The following DNMT1 variants were observed in gnomAD, a reference collection of about 807,000 sequenced individuals.
The protein encoded by DNMT1 is DNA (cytosine-5)-methyltransferase 1.
Under a neutral mutation model 205.3 loss-of-function variants are expected in DNMT1, and 24 were observed. The observed-to-expected ratio is 0.12, with a 90% CI of 0.08 to 0.16. DNMT1 has a LOEUF of 0.16. DNMT1 is among the 10% of genes least tolerant of loss of function. The pLI is 1.00. For synonymous variants in DNMT1, 817 were observed against 839.8 expected (o/e 0.97, Z 0.47); for missense variants, 1,293 against 2,177.7 (o/e 0.59, Z 8.09).
In DNMT1 at chr19:10,137,594, G is replaced by C. The variant is rs10854076; in HGVS notation, c.4293+238C>G. ...GCGGGGAGAGGCAGCAAGGGGGAAG[G>C]CAGTGGTGGGTGGGCAGTGGCTTGA... On this transcript the variant is annotated intron_variant, in intron 36 of 40. Coordinates refer to ENST00000359526, the MANE Select transcript of DNMT1 (RefSeq NM_001130823.3). The surrounding 1 kb of genome is among the most constrained non-coding windows in gnomAD (Gnocchi z 6.4). 71,719 of 663,284 alleles carry C rather than the reference G, an allele frequency of 0.11. 6,208 individuals are homozygous for C. The highest frequency in any genetic ancestry group is 0.36 in the East Asian group (13,115 of 36,672). 41.1% of individuals were successfully genotyped at this position (663,284 alleles called of 1,614,324 possible).
intron 5 of DNMT1, 49 bp downstream of exon 5, chr19:10,180,138 A>AC (rs2039016535): frequency 1.6e-6 from 1 of 626,440 alleles, no homozygotes; most frequent in Non-Finnish European, 2.8e-6. Context: ...ACATGGTAAG[A>AC]CCCCATCTCT....
chr19:10,137,551 G>T lies in DNMT1; in HGVS notation c.4294-271C>A. 1.6e-6 allele frequency: 1 copy of T among 639,592 alleles called. No homozygotes were observed. 39.6% of individuals were successfully genotyped at this position (639,592 alleles called of 1,614,324 possible). ...AGGGGATGGTGAAAGGGCTGGTCTTGGCATCCTGGGAAAACATGCGGGGAG... is the reference window on the plus strand; with the variant it reads ...AGGGGATGGTGAAAGGGCTGGTCTTTGCATCCTGGGAAAACATGCGGGGAG... On this transcript the variant is annotated intron_variant, in intron 36 of 40. Coordinates refer to ENST00000359526, the MANE Select transcript of DNMT1 (RefSeq NM_001130823.3). This position sits in a 1 kb window ranked among gnomAD's most constrained non-coding sequence, Gnocchi z 6.4.
At chr19:10,148,347 C>G (rs561403163) in intron 27 of DNMT1, among the ~76,000 whole-genome samples, 3 of 148,094 alleles carry the variant, frequency 2.0e-5, no homozygotes, top group African/African-American at 7.4e-5. Context: ...ATACAAAAAA[C>G]TAGCCGGGTG....
chr19:10,176,960 T>C (rs2038949215), intron 6 of DNMT1, among the ~76,000 whole-genome samples: 2 of 152,112 alleles, frequency 1.3e-5, no homozygotes, highest in Non-Finnish European at 2.9e-5. Flanking sequence ...CTAAACTATA[T>C]ATGGACAAAG....
Position 10,140,976 on chromosome 19 carries a change from C to T in DNMT1, c.3395-67G>A. The T allele has an allele frequency of 1.2e-6, 2 of 1,613,738 alleles. No individual in the cohort carries two copies. The highest frequency in any genetic ancestry group is 1.7e-6 in the Non-Finnish European group (2 of 1,180,022). Reference sequence around the variant, plus strand: ...CCAAGTCCACCTTGCTCTCAAGCGCCTTGTTAACTCAGGCGGCCTCGCTGT... The same window carrying T: ...CCAAGTCCACCTTGCTCTCAAGCGCTTTGTTAACTCAGGCGGCCTCGCTGT... On this transcript the variant is annotated intron_variant, in intron 31 of 40. Coordinates refer to ENST00000359526, the MANE Select transcript of DNMT1 (RefSeq NM_001130823.3). The surrounding 1 kb of genome is among the most constrained non-coding windows in gnomAD (Gnocchi z 8.4).
chr19:10,134,110 T>C (rs1232794260), intron 40 of DNMT1, 107 bp downstream of exon 40: 1 of 1,193,068 alleles, frequency 8.4e-7, no homozygotes, highest in African/African-American at 1.5e-5. Context: ...CGTGGGTAGG[T>C]GACCCGCCTG....
At chr19:10,182,708 T>G (rs1379897159) in intron 1 of DNMT1, among the ~76,000 whole-genome samples, 1 of 151,516 alleles carries the variant, frequency 6.6e-6, no homozygotes, top group Non-Finnish European at 1.5e-5. Context: ...CTCGCTCTGT[T>G]GCCCAGGCTG....
intron 1 of DNMT1, among the ~76,000 whole-genome samples, chr19:10,182,983 G>A (rs575710204): frequency 6.2e-5 from 9 of 145,452 alleles, no homozygotes; most frequent in East Asian, 6.1e-4. Context: ...ATATATACAC[G>A]TATATATATA....
chr19:10,161,724 C>T (rs2038574413), intron 13 of DNMT1, among the ~76,000 whole-genome samples: 1 of 152,180 alleles, frequency 6.6e-6, no homozygotes, highest in African/African-American at 2.4e-5. Flanking sequence ...CTGCAAAATT[C>T]ATATGTTAAG....
At position 10,180,388 on chromosome 19, in the gene DNMT1, C is replaced by T. The variant is rs775139340; in HGVS notation, c.407G>A (p.Arg136His). 1.9e-5 allele frequency: 30 copies of T among 1,613,544 alleles called. No individual in the cohort carries two copies. Among genetic ancestry groups the T allele is most frequent in the East Asian group, 6.7e-5 (3 of 44,894 alleles). The change falls in exon 4 of 41, where the codon CGC becomes CAC. Residue 136 changes from arginine (R) to histidine (H), a missense_variant. Coordinates refer to ENST00000359526, the MANE Select transcript of DNMT1 (RefSeq NM_001130823.3). Reference protein sequence around the residue: ...NSPPKPLSKPRTPRRSKSDGE... With the variant: ...NSPPKPLSKPHTPRRSKSDGE... Reference sequence around the variant, plus strand: ...ATCGGACTTGCTCCTCCTGGGCGTGCGAGGTTTGGAAAGGGGTTTGGGGGG... The same window carrying T: ...ATCGGACTTGCTCCTCCTGGGCGTGTGAGGTTTGGAAAGGGGTTTGGGGGG...
At chr19:10,153,860 G>GA (rs1270881563) in intron 22 of DNMT1, among the ~76,000 whole-genome samples, 2 of 152,104 alleles carry the variant, frequency 1.3e-5, no homozygotes, top group African/African-American at 4.8e-5. Flanking sequence ...TGGGTCATAG[G>GA]ACTAGGAAGT....
chr19:10,143,632 C>A, intron 29 of DNMT1, 134 bp downstream of exon 29: 1 of 1,030,504 alleles, frequency 9.7e-7, no homozygotes, highest in Non-Finnish European at 1.5e-6. Flanking sequence ...CACCGATAAT[C>A]AGAAACACTT....
Position 10,138,128 on chromosome 19 carries a change from G to A in DNMT1, c.4116-119C>T. 7.8e-7 allele frequency: 1 copy of A among 1,281,726 alleles called. No homozygotes were observed. Among genetic ancestry groups the A allele is most frequent in the Non-Finnish European group, 1.1e-6 (1 of 916,218 alleles). The allele number at this position is 1,281,726 out of a possible 1,614,324, so 79.4% of individuals were successfully genotyped here. ...CTCCCGAGATCACAGCACTGCCCGA[G>A]GTCACATGGGTGGCAGTGTGCCTGG... On this transcript the variant is annotated intron_variant, in intron 35 of 40. Transcript: ENST00000359526. This position sits in a 1 kb window ranked among gnomAD's most constrained non-coding sequence, Gnocchi z 4.1.
intron 17 of DNMT1, among the ~76,000 whole-genome samples, chr19:10,157,565 G>C (rs2038483583): frequency 6.6e-6 from 1 of 152,184 alleles, no homozygotes; most frequent in South Asian, 2.1e-4. Context: ...GGCCAAAGAT[G>C]CTGGGCTATC....
At chr19:10,152,464 CA>C (rs1010190634) in intron 22 of DNMT1, among the ~76,000 whole-genome samples, 2 of 151,662 alleles carry the variant, frequency 1.3e-5, no homozygotes, top group African/African-American at 4.8e-5. Context: ...CCCAACTCTA[CA>C]AAAAATTAAA....
At chr19:10,187,913 C>T (rs2039225836) in intron 1 of DNMT1, among the ~76,000 whole-genome samples, 1 of 152,066 alleles carries the variant, frequency 6.6e-6, no homozygotes, top group Admixed American at 6.6e-5. Context: ...GAAGCCAAAG[C>T]GGGAGGATCA....
chr19:10,156,178 T>C lies in DNMT1; in HGVS notation c.1399+213A>G, dbSNP rs996304003. ...TAAGTATGTTTTTTATTTATACATA[T>C]ATATAAGTATATATGTATACTATAT... is the stretch of plus-strand genomic sequence containing the variant. On this transcript the variant is annotated intron_variant, in intron 18 of 40. Transcript: ENST00000359526. This position sits in a 1 kb window ranked among gnomAD's most constrained non-coding sequence, Gnocchi z 4.2. Among the ~76,000 whole-genome samples, 1 of 150,700 alleles carries C rather than the reference T, an allele frequency of 6.6e-6. No individual in the cohort carries two copies. The highest frequency in any genetic ancestry group is 2.4e-5 in the African/African-American group (1 of 41,152).
rs1599339143 is a variant in DNMT1 at position 10,135,757 on chromosome 19, G to A, written c.4752C>T (p.Asn1584=). The A allele has an allele frequency of 6.2e-7, 1 of 1,606,328 alleles. No individual in the cohort carries two copies. The highest frequency in any genetic ancestry group is 8.5e-7 in the Non-Finnish European group (1 of 1,177,690). The change falls in exon 39 of 41, where the codon AAC becomes AAT. Residue 1584 remains asparagine, a synonymous_variant. Transcript: ENST00000359526. ...GFPDTYRLFG[N]ILDKHRQVGN... is the part of the protein sequence containing the mutation. ...TGACCTGCCGGTGCTTGTCCAGGAT[G>A]TTGCCGAAGAGCCGGTAGGTGTCAG...
chr19:10,170,535 T>C (rs1319129968), intron 9 of DNMT1, among the ~76,000 whole-genome samples: 3 of 152,066 alleles, frequency 2.0e-5, no homozygotes, highest in Non-Finnish European at 4.4e-5. Context: ...TCCCAGCTAC[T>C]CGGGAGGCTA....
Sources: gnomAD v4.1 joint callset for allele counts (sites outside exome capture counted in the v4.1 genomes callset) on GRCh38, gnomAD v4.1.1 for gene constraint, Gnocchi (gnomAD v3.1) non-coding constraint, MANE v1.5 for transcripts, NCBI Gene and HGNC (gene_info 2026-07-23, HGNC 2026-07-21) for gene names.